ARHGEF18: variants seen among roughly 807,000 people sequenced by gnomAD.
ARHGEF18 encodes the protein rho guanine nucleotide exchange factor 18.
In ARHGEF18, 93 loss-of-function variants were observed where a neutral mutation model predicts 155.7. The ratio of observed to expected loss-of-function variants is 0.60; its 90% confidence interval spans 0.50 to 0.71. The LOEUF (loss-of-function observed/expected upper bound fraction) is 0.71, where lower values mean the gene tolerates loss of function less well. Among genes scored for constraint, ARHGEF18 ranks in the 30% least tolerant of loss-of-function variants. The probability of loss-of-function intolerance (pLI) is 0.00; values close to 1 mark genes in which losing one functional copy is unlikely to be tolerated. For synonymous variants in ARHGEF18, 742 were observed against 753.1 expected (o/e 0.99, Z 0.24); for missense variants, 1,593 against 1,816.1 (o/e 0.88, Z 2.23).
At chr19:7,419,977 GCCCACACTCGGCCTCCACA>G (rs1001713804) in intron 10 of ARHGEF18, among the ~76,000 whole-genome samples, 6 of 112,676 alleles carry the variant, frequency 5.3e-5, no homozygotes, top group Admixed American at 1.5e-4. Context: ...CCCCAGGTGC[GCCCACACTCGGCCTCCACA>G]CCCACACTCG....
Position 7,469,998 on chromosome 19 carries a change from G to A in ARHGEF18, c.3882G>A (p.Leu1294=), listed in dbSNP as rs1391739690. Residue 1294 remains leucine, a synonymous_variant, in exon 28 of 29, where the codon CTG becomes CTA. Transcript: ENST00000668164. ...SRNRRSLSPI[L]PGRHSPAPPP... is the part of the protein sequence containing the mutation. ...ACCGCCGCTCGCTGAGCCCTATCCT[G>A]CCCGGCAGACACAGTCCTGCGCCCC... 1.9e-6 allele frequency: 3 copies of A among 1,613,168 alleles called. No homozygotes were observed. Among genetic ancestry groups the A allele is most frequent in the African/African-American group, 2.7e-5 (2 of 75,018 alleles).
rs117824875 is a variant in ARHGEF18 at position 7,469,005 on chromosome 19, G to A, written c.3661G>A (p.Ala1221Thr). 5.2e-3 allele frequency: 8,282 copies of A among 1,597,782 alleles called. 35 individuals are homozygous for A. The highest frequency in any genetic ancestry group is 6.0e-3 in the Non-Finnish European group (7,075 of 1,173,384). ...CGATGTGCCCATCCAGCTGCTCAGC[G>A]CCACCAACCAGTTCCAGAGGCAGGC... Reference protein sequence around the residue: ...KSDVPIQLLSATNQFQRQAAV... With the variant: ...KSDVPIQLLSTTNQFQRQAAV... The change falls in exon 27 of 29, where the codon GCC becomes ACC. Residue 1221 changes from alanine to threonine, a missense_variant. Ala to Thr is a moderately conservative substitution (Grantham distance 58). Coordinates refer to ENST00000668164, the MANE Select transcript of ARHGEF18 (RefSeq NM_001367823.1).
chr19:7,385,755 C>T (rs1970977278), intron 10 of ARHGEF18, among the ~76,000 whole-genome samples: 1 of 151,540 alleles, frequency 6.6e-6, no homozygotes, highest in African/African-American at 2.4e-5. Context: ...GGATTACAGG[C>T]GTGAGCCACC....
At chr19:7,474,046 AAAG>A (rs1220835321), downstream of ARHGEF18, among the ~76,000 whole-genome samples, 1 of 151,478 alleles carries the variant, frequency 6.6e-6, no homozygotes, top group Non-Finnish European at 1.5e-5. Flanking sequence ...TTTAAAAAAA[AAAG>A]AAAAAAGGGC....
intron 10 of ARHGEF18, among the ~76,000 whole-genome samples, chr19:7,409,055 TTC>T (rs1489844350): frequency 4.8e-5 from 7 of 145,576 alleles, no homozygotes; most frequent in African/African-American, 1.9e-4. Flanking sequence ...AAGACCCTGT[TTC>T]TTTTTTTTTT....
chr19:7,409,969 T>C (rs1421413616), intron 10 of ARHGEF18, among the ~76,000 whole-genome samples: 4 of 129,872 alleles, frequency 3.1e-5, no homozygotes, highest in Admixed American at 1.6e-4. Flanking sequence ...TTTTTTTTTT[T>C]AGCAGAGATG....
intron 15 of ARHGEF18, among the ~76,000 whole-genome samples, chr19:7,449,554 C>T (rs190293941): frequency 2.6e-5 from 4 of 152,272 alleles, no homozygotes; most frequent in Admixed American, 6.5e-5. Context: ...TCAAAAGGCA[C>T]AGGCCCACTC....
At chr19:7,382,995 G>T in intron 9 of ARHGEF18, 67 bp from the exon 10 acceptor site, 1 of 1,232,384 alleles carries the variant, frequency 8.1e-7, no homozygotes, top group Non-Finnish European at 1.0e-6. Context: ...GGTGGGCTGG[G>T]TACACAGTAT....
chr19:7,409,307 G>C (rs1330899818), intron 10 of ARHGEF18, among the ~76,000 whole-genome samples: 1 of 129,218 alleles, frequency 7.7e-6, no homozygotes, highest in African/African-American at 3.0e-5. Context: ...GATCCACCGC[G>C]TCCGGCCGAC....
intron 10 of ARHGEF18, among the ~76,000 whole-genome samples, chr19:7,429,143 C>G (rs750008936): frequency 2.0e-4 from 30 of 149,390 alleles, no homozygotes; most frequent in Non-Finnish European, 2.5e-4. Context: ...CCTGGTATGG[C>G]ATGTCAGCGT....
chr19:7,363,210 GAGT>G (rs949956657), intron 2 of ARHGEF18, among the ~76,000 whole-genome samples: 4 of 152,060 alleles, frequency 2.6e-5, no homozygotes, highest in Non-Finnish European at 5.9e-5. Flanking sequence ...AAGGAAAGAT[GAGT>G]AGAAGGATGG....
chr19:7,376,822 G>A, intron 5 of ARHGEF18, 65 bp downstream of exon 5: 3 of 1,088,254 alleles, frequency 2.8e-6, no homozygotes, highest in Non-Finnish European at 3.5e-6. Flanking sequence ...GGCCAACATG[G>A]TGAAACCCTG....
chr19:7,372,720 T>G (rs553820501), intron 2 of ARHGEF18, 92 bp from the exon 3 acceptor site: 1 of 1,189,570 alleles, frequency 8.4e-7, no homozygotes, highest in Non-Finnish European at 1.1e-6. Flanking sequence ...GGTCTGGATG[T>G]TGGGAGCAGG....
intron 19 of ARHGEF18, among the ~76,000 whole-genome samples, chr19:7,459,245 T>G (rs7246211): frequency 0.77 from 116,183 of 151,144 alleles, 44,928 homozygotes; most frequent in East Asian, 0.85. Flanking sequence ...TTTTAGAGTC[T>G]GGCTCTTGCT....
Position 7,453,579 on chromosome 19 carries a change from G to C in ARHGEF18, c.1968G>C (p.Glu656Asp). The change falls in exon 17 of 29, where the codon GAG (glutamate) becomes GAC (aspartate). Residue 656 changes from glutamate (E) to aspartate (D), a missense_variant. By Grantham distance (45) the Glu-to-Asp change is conservative (BLOSUM62 2). Transcript: ENST00000668164. Reference protein sequence around the residue: ...SECEKGQRLREIAGKMDLKSS... With the variant: ...SECEKGQRLRDIAGKMDLKSS... ...GTGAGAAGGGCCAGCGCCTCAGGGA[G>C]ATCGCAGGGAAGATGGACCTGAAGT... 6.2e-7 allele frequency: 1 copy of C among 1,614,016 alleles called. No individual in the cohort carries two copies. Among genetic ancestry groups the C allele is most frequent in the Non-Finnish European group, 8.5e-7 (1 of 1,179,906 alleles).
In ARHGEF18 at chr19:7,463,976, C is replaced by T. The variant is rs1339649275; in HGVS notation, c.2773+21C>T. The stretch of plus-strand genomic sequence containing the variant: ...CAAGAGTAAGAGCGGGGCCGTCTCC[C>T]CTCCTGCCTCCAGGGCCGCCCCTCA... On this transcript the variant is annotated intron_variant, in intron 22 of 28. Transcript: ENST00000668164. The surrounding 1 kb of genome is among the most constrained non-coding windows in gnomAD (Gnocchi z 5.2). The T allele has an allele frequency of 1.3e-6, 2 of 1,557,788 alleles. No individual in the cohort carries two copies. The highest frequency in any genetic ancestry group is 2.3e-5 in the South Asian group (2 of 85,364).
chr19:7,466,838 A>T, intron 23 of ARHGEF18, 80 bp from the exon 24 acceptor site: 7 of 1,122,382 alleles, frequency 6.2e-6, no homozygotes, highest in Non-Finnish European at 8.8e-6. Flanking sequence ...TTAAAAAAAA[A>T]GAAGAAGAAG....
chr19:7,421,851 C>G (rs147800721), intron 10 of ARHGEF18, among the ~76,000 whole-genome samples: 5 of 152,132 alleles, frequency 3.3e-5, no homozygotes, highest in Non-Finnish European at 7.3e-5. Context: ...AGCAGAGGGT[C>G]CTGGGTGGCA....
chr19:7,474,960 A>G (rs867562140), downstream of ARHGEF18, among the ~76,000 whole-genome samples: 6 of 152,026 alleles, frequency 3.9e-5, no homozygotes, highest in Middle Eastern at 0.014. Flanking sequence ...GTGGCTGGGC[A>G]CGGTGGCCCA....
Sources: allele counts gnomAD v4.1 joint callset (sites outside exome capture counted in the v4.1 genomes callset), GRCh38; gene constraint gnomAD v4.1.1; non-coding constraint Gnocchi (gnomAD v3.1); transcripts MANE v1.5; gene names NCBI Gene and HGNC (gene_info 2026-07-23, HGNC 2026-07-21).